FGFR2: variants seen among roughly 807,000 people sequenced by gnomAD.
The protein encoded by FGFR2 is BEK fibroblast growth factor receptor.
Under a neutral mutation model 95.9 loss-of-function variants are expected in FGFR2, and 19 were observed. The observed-to-expected ratio is 0.20, with a 90% confidence interval of 0.14 to 0.29. FGFR2 has a LOEUF of 0.29. Among genes scored for constraint, FGFR2 ranks in the 10% least tolerant of loss-of-function variants. FGFR2 has a pLI of 1.00. For synonymous variants in FGFR2, 392 were observed against 393.3 expected (o/e 1.00, Z 0.04); for missense variants, 707 against 1,056.9 (o/e 0.67, Z 4.59).
At chr10:121,596,218 G>T (rs1863408310) in intron 1 of FGFR2, among the ~76,000 whole-genome samples, 1 of 152,188 alleles carries the variant, frequency 6.6e-6, no homozygotes, top group Non-Finnish European at 1.5e-5. Flanking sequence ...CCCTCTGATG[G>T]ATGGCTCTTC....
intron 17 of FGFR2, among the ~76,000 whole-genome samples, chr10:121,483,495 A>G (rs1196158753): frequency 6.6e-6 from 1 of 152,148 alleles, no homozygotes; most frequent in Admixed American, 6.5e-5. Context: ...CTTTGGTTTC[A>G]TGAGTCAGAA....
chr10:121,534,091 C>CTTTTTTT lies in FGFR2; in HGVS notation c.748+4494_748+4500dup, dbSNP rs1022674124. 3.8e-4 allele frequency among the ~76,000 whole-genome samples: 35 copies of CTTTTTTT among 92,098 alleles called. 1 individual carries two copies. Among genetic ancestry groups the CTTTTTTT allele is most frequent in the African/African-American group, 9.0e-4 (19 of 21,092 alleles). The allele number at this position is 92,098 out of a possible 152,430, so 60.4% of individuals were successfully genotyped here. ...GCCACGTCTGTAGGTCCCAAAATGGCTTTTTTTTTTTTTTTTTTTTTTTTT... is the reference window on the plus strand; with the variant it reads ...GCCACGTCTGTAGGTCCCAAAATGGCTTTTTTTTTTTTTTTTTTTTTTTTTTTTTTTT... On this transcript the variant is annotated intron_variant, in intron 6 of 17. Transcript: ENST00000358487.
Position 121,485,661 on chromosome 10 carries a change from C to T in FGFR2, c.2058-129G>A. ...AGACAAATGGGCCCTCCTGCAGTTCCTCCTATGTGCTCTTTCCTGCCCTGC... is the reference window on the plus strand; with the variant it reads ...AGACAAATGGGCCCTCCTGCAGTTCTTCCTATGTGCTCTTTCCTGCCCTGC... On this transcript the variant is annotated intron_variant, in intron 15 of 17. Transcript: ENST00000358487. The surrounding 1 kb of genome is among the most constrained non-coding windows in gnomAD (Gnocchi z 4.2). 8.8e-7 allele frequency: 1 copy of T among 1,138,098 alleles called. No individual in the cohort carries two copies. Among genetic ancestry groups the T allele is most frequent in the Admixed American group, 1.9e-5 (1 of 51,484 alleles). 70.5% of individuals were successfully genotyped at this position (1,138,098 alleles called of 1,614,324 possible).
At position 121,483,748 on chromosome 10, in the gene FGFR2, T is replaced by G. The variant is rs757501816; in HGVS notation, c.2251A>C (p.Lys751Gln). The change falls in exon 17 of 18, where the codon AAG (lysine) becomes CAG (glutamine). Residue 751 changes from lysine to glutamine, a missense_variant. By Grantham distance (53) the Lys-to-Gln change is moderately conservative (BLOSUM62 1). Transcript: ENST00000358487. ...HAVPSQRPTF[K>Q]QLVEDLDRIL... ...CGATCCAAGTCTTCTACCAACTGCT[T>G]GAACGTTGGTCTCTGGGAGGGCACT... 12 of 1,614,078 alleles carry G rather than the reference T, an allele frequency of 7.4e-6. No homozygotes were observed. In the Admixed American group the frequency reaches 2.0e-4, roughly 27 times the overall value.
chr10:121,501,616 T>C (rs41295613), intron 10 of FGFR2, among the ~76,000 whole-genome samples: 38 of 152,338 alleles, frequency 2.5e-4, no homozygotes, highest in African/African-American at 8.7e-4. Flanking sequence ...ATATTGTCCT[T>C]GTGCATTCCA....
At chr10:121,538,341 C>T in intron 6 of FGFR2, 1 of 785,240 alleles carries the variant, frequency 1.3e-6, no homozygotes, top group South Asian at 1.3e-5. Flanking sequence ...ACATTTCATA[C>T]CACGTCCACT....
intron 2 of FGFR2, among the ~76,000 whole-genome samples, chr10:121,585,839 G>A (rs1474826389): frequency 6.6e-6 from 1 of 152,186 alleles, no homozygotes; most frequent in Non-Finnish European, 1.5e-5. Context: ...GTCTATTGCA[G>A]CCAGGTAGAA....
chr10:121,550,090 T>C (rs1219070458), intron 5 of FGFR2, among the ~76,000 whole-genome samples: 5 of 152,262 alleles, frequency 3.3e-5, no homozygotes, highest in African/African-American at 7.2e-5. Flanking sequence ...ACTAAATAAT[T>C]TGGAAATTCC....
rs1043544122 is a variant in FGFR2 at position 121,580,919 on chromosome 10, C to T, written c.109+12790G>A. ...TTTAGATCTCAGAAGGGCTGTGCGC[C>T]GGCTCCCACGAATGTAGGCTTTCTG... is the stretch of plus-strand genomic sequence containing the variant. On this transcript the variant is annotated intron_variant, in intron 2 of 17. Coordinates refer to ENST00000358487, the MANE Select transcript of FGFR2 (RefSeq NM_000141.5). 8.6e-5 allele frequency among the ~76,000 whole-genome samples: 3 copies of T among 35,078 alleles called. No homozygotes were observed. Among genetic ancestry groups the T allele is most frequent in the Non-Finnish European group, 2.7e-4 (3 of 11,294 alleles). 23.0% of individuals were successfully genotyped at this position (35,078 alleles called of 152,430 possible).
At chr10:121,566,162 C>T (rs887453738) in intron 2 of FGFR2, among the ~76,000 whole-genome samples, 1 of 152,114 alleles carries the variant, frequency 6.6e-6, no homozygotes, top group African/African-American at 2.4e-5. Context: ...TGGTCTGTTG[C>T]CCCAAGGCCA....
chr10:121,571,768 AC>A (rs1272513314), intron 2 of FGFR2, among the ~76,000 whole-genome samples: 1 of 150,014 alleles, frequency 6.7e-6, no homozygotes, highest in Non-Finnish European at 1.5e-5. Context: ...ACATGGAGAA[AC>A]CCCGTCTCTA....
At position 121,598,439 on chromosome 10, in the gene FGFR2, G is replaced by C. The variant is rs1212347974; in HGVS notation, c.-628C>G. The C allele has an allele frequency of 3.8e-5, 6 of 158,862 alleles. No homozygotes were observed. In the South Asian group the frequency reaches 1.0e-3, roughly 28 times the overall value. 9.8% of individuals were successfully genotyped at this position (158,862 alleles called of 1,614,324 possible). A position where few individuals can be genotyped will look rare whatever the true frequency, so the allele number is the denominator to read the frequency against. ...GCCCGCCCGCTCGGCTCTCCACCGCGCTCTCCTCCAGCCGCCGCCCGCGCC... is the reference window on the plus strand; with the variant it reads ...GCCCGCCCGCTCGGCTCTCCACCGCCCTCTCCTCCAGCCGCCGCCCGCGCC... On this transcript the variant is annotated 5_prime_UTR_variant, in exon 1 of 18. Transcript: ENST00000358487.
rs199850887 is a variant in FGFR2, at chr10:121,480,081, C to T, written c.2302-60G>A. On this transcript the variant is annotated intron_variant, in intron 17 of 17. Coordinates refer to ENST00000358487, the MANE Select transcript of FGFR2 (RefSeq NM_000141.5). ...TTGGGTCAGGATAACAAGGTGAATA[C>T]GGTTCGAGAGGCTGACTGAGGTCCA... The T allele has an allele frequency of 1.5e-4, 223 of 1,492,316 alleles. 1 individual carries two copies. The Middle Eastern group carries it at 4.9e-3, about 33-fold the overall frequency. The allele number at this position is 1,492,316 out of a possible 1,614,324, so 92.4% of individuals were successfully genotyped here. A position where few individuals can be genotyped will look rare whatever the true frequency, so the allele number is the denominator to read the frequency against.
intron 13 of FGFR2, among the ~76,000 whole-genome samples, chr10:121,495,106 G>C (rs1036410046): frequency 6.6e-6 from 1 of 152,128 alleles, no homozygotes; most frequent in African/African-American, 2.4e-5. Context: ...TTCTGGATCT[G>C]TCTGGTTGTC....
At chr10:121,498,305 C>A (rs1450944211) in intron 12 of FGFR2, among the ~76,000 whole-genome samples, 190 bp downstream of exon 12, 2 of 152,206 alleles carry the variant, frequency 1.3e-5, no homozygotes, top group Non-Finnish European at 2.9e-5. Flanking sequence ...TTTCCACTGG[C>A]CCCCAGGTAC....
chr10:121,584,031 C>T (rs1235349239), intron 2 of FGFR2, among the ~76,000 whole-genome samples: 1 of 151,856 alleles, frequency 6.6e-6, no homozygotes, highest in African/African-American at 2.4e-5. Context: ...ATCATCATCA[C>T]CATCATCATC....
intron 13 of FGFR2, among the ~76,000 whole-genome samples, chr10:121,488,585 G>A (rs1054461278): frequency 6.6e-6 from 1 of 151,852 alleles, no homozygotes; most frequent in Non-Finnish European, 1.5e-5. Flanking sequence ...AAAACGCAGT[G>A]TGGCTCTAAG....
At chr10:121,590,336 A>G (rs1162701605) in intron 2 of FGFR2, among the ~76,000 whole-genome samples, 3 of 152,178 alleles carry the variant, frequency 2.0e-5, no homozygotes, top group Admixed American at 6.6e-5. Flanking sequence ...GAAGAACTTG[A>G]AAGTAAGAGT....
chr10:121,544,473 C>A (rs1854221318), intron 5 of FGFR2, among the ~76,000 whole-genome samples: 1 of 150,112 alleles, frequency 6.7e-6, no homozygotes. Flanking sequence ...AGTGGTATAT[C>A]CATACAATGG....
Sources: gnomAD v4.1 joint callset for allele counts (sites outside exome capture counted in the v4.1 genomes callset) on GRCh38, gnomAD v4.1.1 for gene constraint, Gnocchi (gnomAD v3.1) non-coding constraint, MANE v1.5 for transcripts, NCBI Gene and HGNC (gene_info 2026-07-23, HGNC 2026-07-21) for gene names.